PVR: variants seen among roughly 807,000 people sequenced by gnomAD.
The protein encoded by PVR is PVR cell adhesion molecule, also known as poliovirus receptor.
Under a neutral mutation model 43.3 loss-of-function variants are expected in PVR, and 39 were observed. The ratio of observed to expected loss-of-function variants is 0.90; its 90% CI spans 0.70 to 1.18. The LOEUF is 1.18. Ranked by LOEUF, PVR falls within the 50% of genes most tolerant of loss-of-function variation. PVR has a pLI of 0.00. For synonymous variants in PVR, 224 were observed against 233.2 expected (o/e 0.96, Z 0.36); for missense variants, 480 against 549.7 (o/e 0.87, Z 1.27).
rs1973637824 is a variant in PVR, at chr19:44,663,497, G to C, written c.*1686G>C. The C allele has an allele frequency of 6.6e-6, 1 of 152,188 alleles. No individual in the cohort carries two copies. Among genetic ancestry groups the C allele is most frequent in the Non-Finnish European group, 1.5e-5 (1 of 68,044 alleles). 9.4% of individuals were successfully genotyped at this position (152,188 alleles called of 1,614,324 possible). A position where few individuals can be genotyped will look rare whatever the true frequency, so the allele number is the denominator to read the frequency against. The stretch of plus-strand genomic sequence containing the variant: ...GACCCCACAGAGTTGGGGAGATAAA[G>C]GAACATTGGTTGCTTTGGTGGCACG... On this transcript the variant is annotated 3_prime_UTR_variant, in exon 8 of 8. Transcript: ENST00000425690.
chr19:44,656,401 A>G (rs1973447116), intron 4 of PVR, among the ~76,000 whole-genome samples: 1 of 152,328 alleles, frequency 6.6e-6, no homozygotes, highest in Non-Finnish European at 1.5e-5. Context: ...ACCGCAATTC[A>G]GGCTCTTGAG....
chr19:44,659,201 T>G (rs1227683809), intron 6 of PVR: 1 of 304,718 alleles, frequency 3.3e-6, no homozygotes, highest in African/African-American at 2.2e-5. Flanking sequence ...GCTTAAGCCC[T>G]CAGCCTTACT....
rs990152240 is a variant in PVR at position 44,662,437 on chromosome 19, G to C, written c.*626G>C. On this transcript the variant is annotated 3_prime_UTR_variant, in exon 8 of 8. Transcript: ENST00000425690. The stretch of plus-strand genomic sequence containing the variant: ...CGTCTGGCTAATCTTTTTATTATTT[G>C]TAAAGTCGAGGTTTCCCTGTGTTGC... 6 of 152,646 alleles carry C rather than the reference G, an allele frequency of 3.9e-5. No individual in the cohort carries two copies. The highest frequency in any genetic ancestry group is 1.4e-4 in the African/African-American group (6 of 41,414). 9.5% of individuals were successfully genotyped at this position (152,646 alleles called of 1,614,324 possible). A position where few individuals can be genotyped will look rare whatever the true frequency, so the allele number is the denominator to read the frequency against.
chr19:44,649,761 C>T (rs569103969), intron 2 of PVR, 48 bp from the exon 3 acceptor site: 4 of 1,585,564 alleles, frequency 2.5e-6, no homozygotes, highest in Non-Finnish European at 3.4e-6. Context: ...CCCCTTCTGC[C>T]ACGGAGGGGT....
chr19:44,647,186 G>T, intron 1 of PVR, 37 bp from the exon 2 acceptor site: 1 of 1,444,210 alleles, frequency 6.9e-7, no homozygotes, highest in Non-Finnish European at 9.2e-7. Flanking sequence ...GTCCAAGAAC[G>T]CCCCGGGTCT....
chr19:44,657,670 C>T (rs896195825), intron 4 of PVR, 92 bp from the exon 5 acceptor site: 7 of 1,332,200 alleles, frequency 5.3e-6, no homozygotes, highest in East Asian at 2.3e-5. Context: ...CTATAGAGGG[C>T]GTGAGGGTTT....
In PVR at chr19:44,647,244, CCACCCAGGTGCCCGGCTTCTTG is replaced by C; in HGVS notation, c.102_123del (p.Thr35AlafsTer4). On this transcript the variant is annotated frameshift_variant, in exon 2 of 8. Coordinates refer to ENST00000425690, the MANE Select transcript of PVR (RefSeq NM_006505.5). LOFTEE classifies it high-confidence loss of function. Reference sequence around the variant, plus strand: ...GCAGGGGACGTCGTCGTGCAGGCGCCCACCCAGGTGCCCGGCTTCTTGGGCGACTCCGTGACGCTGCCCTGCT... The same window carrying C: ...GCAGGGGACGTCGTCGTGCAGGCGCCGGCGACTCCGTGACGCTGCCCTGCT... 1 of 1,548,722 alleles carries C rather than the reference CCACCCAGGTGCCCGGCTTCTTG, an allele frequency of 6.5e-7. No homozygotes were observed. Among genetic ancestry groups the C allele is most frequent in the South Asian group, 1.2e-5 (1 of 84,134 alleles).
At position 44,658,713 on chromosome 19, in the gene PVR, A is replaced by G. The variant is rs373839741; in HGVS notation, c.992-29A>G. On this transcript the variant is annotated intron_variant, in intron 5 of 7. Coordinates refer to ENST00000425690, the MANE Select transcript of PVR (RefSeq NM_006505.5). ...AGGGATAAACCCCAAGAGTTTCCTT[A>G]CCTAAATACCTGTTTCCTTCTCTTT... is the stretch of plus-strand genomic sequence containing the variant. 6.2e-5 allele frequency: 96 copies of G among 1,559,126 alleles called. No homozygotes were observed. The African/African-American group carries it at 1.2e-3, about 19-fold the overall frequency.
intron 1 of PVR, among the ~76,000 whole-genome samples, chr19:44,646,842 G>A (rs895025646): frequency 2.6e-5 from 4 of 152,184 alleles, no homozygotes; most frequent in African/African-American, 7.2e-5. Flanking sequence ...ATCGTGAAAT[G>A]TACATAGTGC....
At position 44,646,821 on chromosome 19, in the gene PVR, G is replaced by A. The variant is rs1015011724; in HGVS notation, c.80-402G>A. Among the ~76,000 whole-genome samples, 5 of 152,210 alleles carry A rather than the reference G, an allele frequency of 3.3e-5. No individual in the cohort carries two copies. In the South Asian group the frequency reaches 6.2e-4, roughly 19 times the overall value. On this transcript the variant is annotated intron_variant, in intron 1 of 7. Transcript: ENST00000425690. ...AGTTCTGGCGCTATATAGTAGTAAC[G>A]GTTGCACAATATCGTGAAATGTACA...
Position 44,649,901 on chromosome 19 carries a change from C to T in PVR, c.520C>T (p.Pro174Ser), listed in dbSNP as rs763233034. ...CTGCGTCTCCACAGGGGGTCGCCCG[C>T]CAGCCCAAATCACCTGGCACTCAGA... ...ARCVSTGGRP[P>S]AQITWHSDLG... Residue 174 changes from proline to serine, a missense_variant, in exon 3 of 8, where the codon CCA becomes TCA. By Grantham distance (74) the Pro-to-Ser change is moderately conservative. Transcript: ENST00000425690. 2.5e-6 allele frequency: 4 copies of T among 1,613,872 alleles called. No individual in the cohort carries two copies. In the Admixed American group the frequency reaches 6.7e-5, roughly 27 times the overall value.
chr19:44,653,839 G>A (rs1415859136), intron 3 of PVR, 61 bp from the exon 4 acceptor site: 30 of 1,168,342 alleles, frequency 2.6e-5, no homozygotes, highest in Admixed American at 1.0e-4. Flanking sequence ...CGTGAATCCC[G>A]CGTAGCCCCA....
rs757669988 is a variant in PVR, at chr19:44,658,727, T to C, written c.992-15T>C. ...AGAGTTTCCTTACCTAAATACCTGT[T>C]TCCTTCTCTTTCAGAGGGACCTCCC... On this transcript the variant is annotated splice_polypyrimidine_tract_variant and intron_variant, in intron 5 of 7. Coordinates refer to ENST00000425690, the MANE Select transcript of PVR (RefSeq NM_006505.5). The C allele has an allele frequency of 3.8e-6, 6 of 1,588,220 alleles. No individual in the cohort carries two copies. The African/African-American group carries it at 8.1e-5, about 21-fold the overall frequency.
intron 4 of PVR, among the ~76,000 whole-genome samples, chr19:44,654,795 T>G (rs2123762278): frequency 6.6e-6 from 1 of 152,340 alleles, no homozygotes; most frequent in East Asian, 1.9e-4. Flanking sequence ...ATTTTATGTA[T>G]GGCCCAGGAC....
intron 1 of PVR, among the ~76,000 whole-genome samples, chr19:44,644,624 TG>T (rs963242943): frequency 2.0e-5 from 3 of 151,760 alleles, no homozygotes; most frequent in African/African-American, 7.3e-5. Context: ...TGGTTGATGT[TG>T]GGGAGGAGGA....
At chr19:44,645,114 A>ATATAATATAT (rs1287414147) in intron 1 of PVR, among the ~76,000 whole-genome samples, 1 of 90,496 alleles carries the variant, frequency 1.1e-5, no homozygotes, top group Non-Finnish European at 1.9e-5. Flanking sequence ...TTATAGTAAT[A>ATATAATATAT]TATAATATAT....
intron 2 of PVR, among the ~76,000 whole-genome samples, chr19:44,648,669 G>C (rs55982106): frequency 4.8e-5 from 7 of 145,304 alleles, no homozygotes; most frequent in African/African-American, 1.7e-4. Context: ...GTTTTGTTTT[G>C]TTTTGTTTTC....
At chr19:44,651,774 G>A (rs1973286490) in intron 3 of PVR, among the ~76,000 whole-genome samples, 1 of 152,180 alleles carries the variant, frequency 6.6e-6, no homozygotes, top group African/African-American at 2.4e-5. Flanking sequence ...GACAGCCCCA[G>A]GACTCTCTAA....
chr19:44,665,606 C>G lies in PVR; in HGVS notation c.*3795C>G, dbSNP rs1441534682. On this transcript the variant is annotated 3_prime_UTR_variant, in exon 8 of 8. Coordinates refer to ENST00000425690, the MANE Select transcript of PVR (RefSeq NM_006505.5). ...CCATGATCGAGTTACTGCACTCCAGCCTGGGTGACAAGAGTGAGACTCTGT... is the reference window on the plus strand; with the variant it reads ...CCATGATCGAGTTACTGCACTCCAGGCTGGGTGACAAGAGTGAGACTCTGT... 6.9e-6 allele frequency: 1 copy of G among 145,064 alleles called. No homozygotes were observed. The highest frequency in any genetic ancestry group is 2.0e-4 in the East Asian group (1 of 5,074). 9.0% of individuals were successfully genotyped at this position (145,064 alleles called of 1,614,324 possible).
Sources: allele counts gnomAD v4.1 joint callset (sites outside exome capture counted in the v4.1 genomes callset), GRCh38; gene constraint gnomAD v4.1.1; transcripts MANE v1.5; gene names NCBI Gene and HGNC (gene_info 2026-07-23, HGNC 2026-07-21).